PCDHA1: variants seen among roughly 807,000 people sequenced by gnomAD.
PCDHA1 encodes protocadherin alpha-1.
PCDHA1 carries 42 observed loss-of-function variants against 61.3 expected under a neutral mutation model. The ratio of observed to expected loss-of-function variants is 0.69; its 90% confidence interval spans 0.54 to 0.89. The LOEUF is 0.89. Among genes scored for constraint, PCDHA1 ranks in the 40% least tolerant of loss-of-function variants. The pLI, the probability that PCDHA1 is intolerant of heterozygous loss-of-function variation, is 0.00. For synonymous variants in PCDHA1, 610 were observed against 553.8 expected (o/e 1.10, Z -1.43); for missense variants, 1,256 against 1,235.3 (o/e 1.02, Z -0.25).
chr5:140,817,875 A>T (rs1766223653), intron 1 of PCDHA1, among the ~76,000 whole-genome samples: 1 of 152,188 alleles, frequency 6.6e-6, no homozygotes, highest in Non-Finnish European at 1.5e-5. Flanking sequence ...ATTGAATGAA[A>T]GTTATTTTTG....
intron 1 of PCDHA1, among the ~76,000 whole-genome samples, chr5:140,855,367 A>C (rs1244767077): frequency 6.7e-6 from 1 of 150,034 alleles, no homozygotes; most frequent in African/African-American, 2.4e-5. Flanking sequence ...AGTGAGTAGG[A>C]TAATAGGAAT....
intron 1 of PCDHA1, among the ~76,000 whole-genome samples, chr5:140,846,536 T>C (rs1215890170): frequency 1.3e-5 from 2 of 148,200 alleles, no homozygotes; most frequent in Admixed American, 1.4e-4. Context: ...CACCATGCCC[T>C]GCTAATTTTT....
chr5:140,828,917 G>A (rs1770028810), intron 1 of PCDHA1: 1 of 1,614,204 alleles, frequency 6.2e-7, no homozygotes, highest in South Asian at 1.1e-5. Flanking sequence ...AGCGAATGGG[G>A]CAATTTCATA....
At chr5:140,851,790 T>A in intron 1 of PCDHA1, 1 of 955,904 alleles carries the variant, frequency 1.0e-6, no homozygotes, top group Non-Finnish European at 1.3e-6. Context: ...GAGAATTCAC[T>A]TGTTCTGTCA....
At chr5:140,852,265 T>C in intron 1 of PCDHA1, 1 of 505,256 alleles carries the variant, frequency 2.0e-6, no homozygotes, top group Non-Finnish European at 2.6e-6. Flanking sequence ...TATGCTACAA[T>C]ATTACATGTT....
At chr5:140,882,960 C>G in intron 1 of PCDHA1, 11 of 1,614,166 alleles carry the variant, frequency 6.8e-6, no homozygotes, top group Non-Finnish European at 5.9e-6. Flanking sequence ...CTGCTCATCA[C>G]GATTCTGGAC....
At chr5:140,883,519 CG>C in intron 1 of PCDHA1, 1 of 1,614,190 alleles carries the variant, frequency 6.2e-7, no homozygotes, top group African/African-American at 1.3e-5. Flanking sequence ...ACCGCGAGAG[CG>C]TATCAGCCTA....
At chr5:140,800,193 T>C (rs61707677) in intron 1 of PCDHA1, among the ~76,000 whole-genome samples, 8,186 of 152,236 alleles carry the variant, frequency 0.054, 726 homozygotes, top group African/African-American at 0.19. Flanking sequence ...TTAAACCTAA[T>C]ATATTCTTAA....
chr5:140,960,519 G>C (rs188949970), intron 1 of PCDHA1, among the ~76,000 whole-genome samples: 19 of 152,198 alleles, frequency 1.2e-4, no homozygotes, highest in Admixed American at 1.2e-3. Context: ...AACATAATGG[G>C]TATAGGAAAG....
At chr5:140,857,380 G>A (rs138042594) in intron 1 of PCDHA1, 8 of 1,598,488 alleles carry the variant, frequency 5.0e-6, no homozygotes, top group Middle Eastern at 1.7e-4. Flanking sequence ...CTGTGGAGGT[G>A]GCCGACGTGA....
chr5:140,883,137 T>C (rs2153390787), intron 1 of PCDHA1: 1 of 1,614,036 alleles, frequency 6.2e-7, no homozygotes, highest in Admixed American at 1.7e-5. Flanking sequence ...CCTGCAGTGG[T>C]ATATGCATTT....
chr5:140,963,538 C>T (rs1450528022), intron 1 of PCDHA1, among the ~76,000 whole-genome samples: 2 of 152,188 alleles, frequency 1.3e-5, no homozygotes, highest in Non-Finnish European at 2.9e-5. Flanking sequence ...CCATTTACTT[C>T]ATGATATAAA....
chr5:140,957,594 A>C (rs2095369947), intron 1 of PCDHA1, among the ~76,000 whole-genome samples: 1 of 152,154 alleles, frequency 6.6e-6, no homozygotes, highest in Non-Finnish European at 1.5e-5. Context: ...AGCACTTCCC[A>C]GAATAAACAC....
At chr5:140,835,891 C>G in intron 1 of PCDHA1, 1 of 1,611,968 alleles carries the variant, frequency 6.2e-7, no homozygotes, top group African/African-American at 1.3e-5. Flanking sequence ...GGCGAGCGCG[C>G]GCTGTCGAGC....
chr5:140,938,616 A>G (rs1366566018), intron 1 of PCDHA1, among the ~76,000 whole-genome samples: 1 of 152,130 alleles, frequency 6.6e-6, no homozygotes, highest in Non-Finnish European at 1.5e-5. Flanking sequence ...TCTTGGAATA[A>G]ACTCAGGTTG....
At chr5:140,804,803 A>G in intron 1 of PCDHA1, 1 of 301,786 alleles carries the variant, frequency 3.3e-6, no homozygotes, top group South Asian at 1.2e-4. Flanking sequence ...GGAGAGAAAT[A>G]GTAACCAACT....
Position 140,842,831 on chromosome 5 carries a change from C to T in PCDHA1, c.2394+54147C>T, listed in dbSNP as rs2150345753. On this transcript the variant is annotated intron_variant, in intron 1 of 3. Transcript: ENST00000504120. ...GGAGCGGCGGGTGGGCGAGCGCTCG[C>T]TGTCGAGCTACATTTCGGTGCACAC... The T allele has an allele frequency of 5.5e-5, 88 of 1,593,856 alleles. 9 individuals are homozygous for T. The highest frequency in any genetic ancestry group is 1.7e-4 in the Admixed American group (10 of 59,288).
chr5:140,903,955 A>G (rs536986744), intron 1 of PCDHA1, among the ~76,000 whole-genome samples: 1 of 152,308 alleles, frequency 6.6e-6, no homozygotes, highest in Non-Finnish European at 1.5e-5. Context: ...CTGGAAAATT[A>G]TTTGTTGATT....
chr5:140,969,214 A>G (rs906572071), intron 1 of PCDHA1: 5 of 1,614,194 alleles, frequency 3.1e-6, no homozygotes, highest in Non-Finnish European at 4.2e-6. Context: ...CCCAGACAGG[A>G]CCAGGGCCTT....
Sources: gnomAD v4.1 joint callset for allele counts (sites outside exome capture counted in the v4.1 genomes callset) on GRCh38, gnomAD v4.1.1 for gene constraint, MANE v1.5 for transcripts, NCBI Gene and HGNC (gene_info 2026-07-23, HGNC 2026-07-21) for gene names.